The following AGBL4 variants were observed in gnomAD, a reference collection of about 807,000 sequenced individuals.
The protein encoded by AGBL4 is cytosolic carboxypeptidase 6.
A neutral mutation model predicts 66.4 loss-of-function variants in AGBL4; 58 were observed. That is an observed-to-expected ratio of 0.87 (90% CI 0.71 to 1.09). The LOEUF (loss-of-function observed/expected upper bound fraction) is 1.09. Among genes scored for constraint, AGBL4 ranks in the 50% least tolerant of loss-of-function variants. AGBL4 has a pLI of 0.00. For synonymous variants in AGBL4, 234 were observed against 222.9 expected (o/e 1.05, Z -0.44); for missense variants, 579 against 631.0 (o/e 0.92, Z 0.88).
At chr1:49,356,706 A>T (rs11801356) in intron 3 of AGBL4, among the ~76,000 whole-genome samples, 7,384 of 152,258 alleles carry the variant, frequency 0.048, 561 homozygotes, top group African/African-American at 0.16. Context: ...TCATTCTGAC[A>T]GGCAGGAAAG....
intron 2 of AGBL4, among the ~76,000 whole-genome samples, chr1:49,752,404 C>G (rs1330256852): frequency 6.6e-6 from 1 of 152,104 alleles, no homozygotes; most frequent in African/African-American, 2.4e-5. Flanking sequence ...TTTCTTAATC[C>G]TGAGTTCCAA....
intron 1 of AGBL4, among the ~76,000 whole-genome samples, chr1:49,958,268 CCTTT>C (rs2148337640): frequency 6.6e-6 from 1 of 152,136 alleles, no homozygotes; most frequent in East Asian, 1.9e-4. Context: ...GGTAACCTGA[CCTTT>C]CTCTCTGGCT....
chr1:49,191,198 G>A (rs1162831223), intron 4 of AGBL4, among the ~76,000 whole-genome samples: 1 of 152,218 alleles, frequency 6.6e-6, no homozygotes, highest in African/African-American at 2.4e-5. Flanking sequence ...GAAGGACGAA[G>A]TCTCCACTTA....
At chr1:49,698,292 A>T (rs1030316180) in intron 2 of AGBL4, among the ~76,000 whole-genome samples, 1 of 152,198 alleles carries the variant, frequency 6.6e-6, no homozygotes, top group Non-Finnish European at 1.5e-5. Flanking sequence ...TAATAGAAAC[A>T]TGAAAATTTA....
intron 3 of AGBL4, among the ~76,000 whole-genome samples, chr1:49,348,805 C>T (rs1645691959): frequency 6.6e-6 from 1 of 152,154 alleles, no homozygotes; most frequent in East Asian, 1.9e-4. Flanking sequence ...CTACTGGTTG[C>T]CTGTATCAAA....
intron 5 of AGBL4, among the ~76,000 whole-genome samples, chr1:49,040,508 C>A (rs79317248): frequency 0.013 from 2,030 of 152,098 alleles, 46 homozygotes; most frequent in African/African-American, 0.047. Context: ...CATGAATGAT[C>A]ATAGCAGCAT....
chr1:49,612,261 C>G (rs1435407819), intron 3 of AGBL4, among the ~76,000 whole-genome samples: 2 of 152,060 alleles, frequency 1.3e-5, no homozygotes, highest in Non-Finnish European at 2.9e-5. Flanking sequence ...ACAGTCATTG[C>G]AGGAAGCTCA....
At chr1:49,840,445 T>G (rs953699970) in intron 2 of AGBL4, among the ~76,000 whole-genome samples, 8 of 152,144 alleles carry the variant, frequency 5.3e-5, no homozygotes, top group African/African-American at 1.9e-4. Flanking sequence ...TGTATAGATT[T>G]AATAACTAGT....
chr1:49,274,678 C>T (rs183527799), intron 3 of AGBL4, among the ~76,000 whole-genome samples: 2 of 152,004 alleles, frequency 1.3e-5, no homozygotes, highest in African/African-American at 4.8e-5. Context: ...TTGACAAGTA[C>T]TCTTAAATAC....
intron 3 of AGBL4, among the ~76,000 whole-genome samples, chr1:49,431,087 C>T (rs1335130987): frequency 1.3e-5 from 2 of 152,088 alleles, no homozygotes; most frequent in Non-Finnish European, 2.9e-5. Context: ...ATAAATAGTG[C>T]TGCTATGGGC....
rs886754094 is a variant in AGBL4 at position 49,434,708 on chromosome 1, CTGGTGG to C, written c.283-188850_283-188845del. Among the ~76,000 whole-genome samples the C allele has an allele frequency of 3.5e-5, 5 of 143,716 alleles. 1 individual carries two copies. The highest frequency in any genetic ancestry group is 7.7e-5 in the Non-Finnish European group (5 of 64,838). 94.3% of individuals were successfully genotyped at this position (143,716 alleles called of 152,430 possible). A position where few individuals can be genotyped will look rare whatever the true frequency, so the allele number is the denominator to read the frequency against. ...AGTGGTGGTGGTGGTGGTGGTGGTG[CTGGTGG>C]TGGTGGTGGTGGTGGTGGTGTGTGT... On this transcript the variant is annotated intron_variant, in intron 3 of 13. Transcript: ENST00000371839.
chr1:49,042,389 G>C (rs187054512), intron 5 of AGBL4, among the ~76,000 whole-genome samples: 1 of 152,096 alleles, frequency 6.6e-6, no homozygotes, highest in Non-Finnish European at 1.5e-5. Flanking sequence ...CTGTGGCAGC[G>C]ACTTTAAGCT....
chr1:49,120,190 A>G (rs1419798778), intron 4 of AGBL4, among the ~76,000 whole-genome samples: 1 of 152,114 alleles, frequency 6.6e-6, no homozygotes, highest in African/African-American at 2.4e-5. Context: ...TAAGGTTAAT[A>G]TTGTTATGTA....
intron 3 of AGBL4, among the ~76,000 whole-genome samples, chr1:49,585,581 C>A (rs1169245251): frequency 3.3e-5 from 5 of 152,058 alleles, no homozygotes; most frequent in Non-Finnish European, 7.4e-5. Context: ...CCCTAGTCAA[C>A]CCTCCAGATA....
intron 1 of AGBL4, among the ~76,000 whole-genome samples, chr1:49,954,254 G>A (rs538284196): frequency 6.6e-6 from 1 of 152,028 alleles, no homozygotes; most frequent in African/African-American, 2.4e-5. Context: ...TTTATGATGA[G>A]TGCTAAGGCT....
intron 1 of AGBL4, among the ~76,000 whole-genome samples, chr1:49,880,659 A>G (rs1321141709): frequency 6.6e-6 from 1 of 152,154 alleles, no homozygotes; most frequent in South Asian, 2.1e-4. Flanking sequence ...AGAGGCAGGC[A>G]AGCCTCCTTG....
intron 3 of AGBL4, among the ~76,000 whole-genome samples, chr1:49,516,618 G>A (rs1331789955): frequency 6.6e-6 from 1 of 151,958 alleles, no homozygotes; most frequent in Non-Finnish European, 1.5e-5. Flanking sequence ...ATATGAGGTG[G>A]GTAATGGGTT....
intron 6 of AGBL4, among the ~76,000 whole-genome samples, chr1:48,777,801 G>A (rs1213114038): frequency 6.6e-6 from 1 of 152,150 alleles, no homozygotes; most frequent in Non-Finnish European, 1.5e-5. Flanking sequence ...GTTGAGGAGC[G>A]CTCTGGGTAA....
At chr1:49,277,364 G>T (rs911686874) in intron 3 of AGBL4, among the ~76,000 whole-genome samples, 8 of 152,002 alleles carry the variant, frequency 5.3e-5, no homozygotes, top group Non-Finnish European at 1.2e-4. Context: ...AGTTTGGCTG[G>T]GTTCATGGGG....
Sources: allele counts gnomAD v4.1 joint callset (sites outside exome capture counted in the v4.1 genomes callset), GRCh38; gene constraint gnomAD v4.1.1; transcripts MANE v1.5; gene names NCBI Gene and HGNC (gene_info 2026-07-23, HGNC 2026-07-21).